The following IRF2 variants were observed in gnomAD, a reference collection of about 807,000 sequenced individuals.
IRF2 encodes interferon regulatory factor 2.
A neutral mutation model predicts 40.6 loss-of-function variants in IRF2; 15 were observed. The observed-to-expected ratio is 0.37, with a 90% CI of 0.25 to 0.57. The LOEUF is 0.57. IRF2 is among the 20% of genes least tolerant of loss of function. The probability of loss-of-function intolerance (pLI) is 0.77; values close to 1 mark genes in which losing one functional copy is unlikely to be tolerated. For missense variants in IRF2, 317 were observed against 455.7 expected, an observed-to-expected ratio of 0.70 and a Z score of 2.77; for synonymous variants, 151 against 165.5, an observed-to-expected ratio of 0.91 and a Z score of 0.67.
chr4:184,443,156 C>G (rs778983269), intron 1 of IRF2, among the ~76,000 whole-genome samples: 1 of 152,130 alleles, frequency 6.6e-6, no homozygotes, highest in African/African-American at 2.4e-5. Flanking sequence ...AAACTCCTGA[C>G]CTCAGCTGAT....
At chr4:184,396,465 G>A (rs993843456) in intron 7 of IRF2, among the ~76,000 whole-genome samples, 12 of 145,458 alleles carry the variant, frequency 8.2e-5, no homozygotes, top group African/African-American at 2.6e-4. Flanking sequence ...ACAGGATCTC[G>A]CTCTGTCACC....
At chr4:184,398,686 A>T (rs908672254) in intron 7 of IRF2, among the ~76,000 whole-genome samples, 2 of 152,034 alleles carry the variant, frequency 1.3e-5, no homozygotes, top group African/African-American at 2.4e-5. Flanking sequence ...AATAAATAAA[A>T]AATGTCATGG....
intron 1 of IRF2, 114 bp from the exon 2 acceptor site, chr4:184,429,184 A>C: frequency 3.1e-5 from 20 of 640,592 alleles, no homozygotes; most frequent in East Asian, 3.4e-5. Flanking sequence ...GGGGCTGGGG[A>C]CCAGGGGGCT....
intron 6 of IRF2, among the ~76,000 whole-genome samples, chr4:184,404,503 T>C (rs1736780074): frequency 6.6e-6 from 1 of 152,188 alleles, no homozygotes; most frequent in Admixed American, 6.5e-5. Context: ...AGTACGATTA[T>C]TTCCATTTTC....
chr4:184,452,148 C>G lies in IRF2; in HGVS notation c.-7+22231G>C, dbSNP rs190197378. ...GTAGGGACCCAGGCCAGGCCCAAGTCCCCCCAGCACTGCAGTCATGGGAAA... is the reference window on the plus strand; with the variant it reads ...GTAGGGACCCAGGCCAGGCCCAAGTGCCCCCAGCACTGCAGTCATGGGAAA... On this transcript the variant is annotated intron_variant, in intron 1 of 8. Transcript: ENST00000393593. 9.9e-5 allele frequency among the ~76,000 whole-genome samples: 15 copies of G among 152,282 alleles called. No homozygotes were observed. In the East Asian group the frequency reaches 2.9e-3, roughly 29 times the overall value.
intron 5 of IRF2, among the ~76,000 whole-genome samples, chr4:184,411,740 T>C (rs997643459): frequency 6.6e-6 from 1 of 151,862 alleles, no homozygotes; most frequent in African/African-American, 2.4e-5. Context: ...AGAAAAGGGG[T>C]GTGGAGTTCT....
chr4:184,431,027 C>T (rs1035733332), intron 1 of IRF2, among the ~76,000 whole-genome samples: 9 of 152,316 alleles, frequency 5.9e-5, no homozygotes, highest in Admixed American at 5.2e-4. Context: ...TCCTACAAAG[C>T]GCAAATGTTG....
chr4:184,400,295 G>A (rs1736620093), intron 6 of IRF2, among the ~76,000 whole-genome samples: 1 of 152,136 alleles, frequency 6.6e-6, no homozygotes, highest in African/African-American at 2.4e-5. Flanking sequence ...TTTCAAGGAT[G>A]TTATATTAAT....
chr4:184,389,098 C>T, intron 8 of IRF2, 32 bp from the exon 9 acceptor site: 3 of 1,602,610 alleles, frequency 1.9e-6, no homozygotes, highest in Non-Finnish European at 2.6e-6. Context: ...TATGTATTTC[C>T]TTCTCCTTCT....
At chr4:184,466,757 G>A (rs1739344359) in intron 1 of IRF2, among the ~76,000 whole-genome samples, 1 of 152,098 alleles carries the variant, frequency 6.6e-6, no homozygotes, top group Non-Finnish European at 1.5e-5. Flanking sequence ...GTCATTGTGT[G>A]AACATCACAG....
intron 1 of IRF2, among the ~76,000 whole-genome samples, chr4:184,462,146 T>C (rs1739170775): frequency 6.6e-6 from 1 of 152,240 alleles, no homozygotes; most frequent in Non-Finnish European, 1.5e-5. Flanking sequence ...GCTGTTCTTC[T>C]GTCAGTTGCA....
In IRF2 at chr4:184,448,649, A is replaced by C. The variant is rs1018838789; in HGVS notation, c.-6-19579T>G. On this transcript the variant is annotated intron_variant, in intron 1 of 8. Coordinates refer to ENST00000393593, the MANE Select transcript of IRF2 (RefSeq NM_002199.4). This position sits in a 1 kb window ranked among gnomAD's most constrained non-coding sequence, Gnocchi z 4.3. ...AGTCACTCTGCCTCACCTCAAAGTT[A>C]AGGTGGAAGAAAAACCGCCAGAAGT... is the stretch of plus-strand genomic sequence containing the variant. 6.6e-6 allele frequency: 1 copy of C among 152,182 alleles called. No homozygotes were observed. The highest frequency in any genetic ancestry group is 2.4e-5 in the African/African-American group (1 of 41,434). 9.4% of individuals were successfully genotyped at this position (152,182 alleles called of 1,614,324 possible).
At chr4:184,447,106 C>A (rs919302558) in intron 1 of IRF2, among the ~76,000 whole-genome samples, 1 of 152,198 alleles carries the variant, frequency 6.6e-6, no homozygotes, top group African/African-American at 2.4e-5. Context: ...CAAACACCAT[C>A]CTCCACCAAA....
chr4:184,388,858 A>G lies in IRF2; in HGVS notation c.950T>C (p.Met317Thr), dbSNP rs1277239246. Residue 317 changes from methionine to threonine, a missense_variant, in exon 9 of 9, where the codon ATG becomes ACG. Met to Thr is a moderately conservative substitution (Grantham distance 81, BLOSUM62 -1). Transcript: ENST00000393593. This position sits in a 1 kb window ranked among gnomAD's most constrained non-coding sequence, Gnocchi z 4.6. ...CCGACTGCTGCTGGATGCTGGGGTC[A>G]TGGAGGAAGAAAGGGGGAGGTCTTG... ...PFQDLPLSSS[M>T]TPASSSSRPD... 1.2e-5 allele frequency: 19 copies of G among 1,613,924 alleles called. No homozygotes were observed. Among genetic ancestry groups the G allele is most frequent in the Non-Finnish European group, 1.5e-5 (18 of 1,180,022 alleles).
At chr4:184,404,765 C>T (rs994464259) in intron 6 of IRF2, among the ~76,000 whole-genome samples, 9 of 152,138 alleles carry the variant, frequency 5.9e-5, no homozygotes, top group African/African-American at 2.2e-4. Flanking sequence ...CCGGTGACTC[C>T]GAGACAGGGA....
intron 1 of IRF2, among the ~76,000 whole-genome samples, chr4:184,443,589 C>T (rs1738393200): frequency 2.7e-5 from 4 of 149,106 alleles, no homozygotes. Context: ...GTATATATAC[C>T]ATATTTTCTT....
At chr4:184,442,883 T>C (rs1385593779) in intron 1 of IRF2, among the ~76,000 whole-genome samples, 1 of 1,988 alleles carries the variant, frequency 5.0e-4, no homozygotes, top group East Asian at 0.011. Flanking sequence ...GATAACTTTG[T>C]GGGGGTGGGG....
chr4:184,461,334 T>C (rs1739136890), intron 1 of IRF2, among the ~76,000 whole-genome samples: 1 of 152,208 alleles, frequency 6.6e-6, no homozygotes, highest in South Asian at 2.1e-4. Flanking sequence ...TGTATACACT[T>C]GGCAAAAAAA....
chr4:184,473,167 A>G (rs560469643), intron 1 of IRF2, among the ~76,000 whole-genome samples: 1 of 151,206 alleles, frequency 6.6e-6, no homozygotes, highest in Admixed American at 6.6e-5. Context: ...CTTTGCACCA[A>G]CCATGTTCGG....
Sources: gnomAD v4.1 joint callset for allele counts (sites outside exome capture counted in the v4.1 genomes callset) on GRCh38, gnomAD v4.1.1 for gene constraint, Gnocchi (gnomAD v3.1) non-coding constraint, MANE v1.5 for transcripts, NCBI Gene and HGNC (gene_info 2026-07-23, HGNC 2026-07-21) for gene names.